Variants in SSH2 observed in about 807,000 individuals in gnomAD.
SSH2 encodes the protein slingshot protein phosphatase 2.
SSH2 carries 37 observed loss-of-function variants against 135.2 expected under a neutral mutation model. That is an observed-to-expected ratio of 0.27 (90% CI 0.21 to 0.36). The LOEUF is 0.36. Among genes scored for constraint, SSH2 ranks in the 10% least tolerant of loss-of-function variants. SSH2 has a pLI of 1.00. For synonymous variants in SSH2, 628 were observed against 646.2 expected (o/e 0.97, Z 0.43); for missense variants, 1,408 against 1,765.3 (o/e 0.80, Z 3.63).
chr17:29,734,396 G>A (rs972254717), intron 3 of SSH2, among the ~76,000 whole-genome samples: 6 of 152,110 alleles, frequency 3.9e-5, no homozygotes, highest in Admixed American at 1.3e-4. Context: ...ATAACTATGC[G>A]TGGTAGGCTG....
At chr17:29,863,993 AT>A (rs1246873934) in intron 1 of SSH2, 11 of 152,128 alleles carry the variant, frequency 7.2e-5, no homozygotes, top group African/African-American at 2.7e-4. Context: ...TAGGTAAAGC[AT>A]TTCAGATTTC....
intron 11 of SSH2, among the ~76,000 whole-genome samples, chr17:29,657,450 G>A (rs1404340953): frequency 6.8e-6 from 1 of 147,768 alleles, no homozygotes; most frequent in East Asian, 2.0e-4. Flanking sequence ...TTTGTATTTA[G>A]TAAAGACGAG....
At chr17:29,661,061 CAAAAAAAAAAA>C (rs374216221) in intron 11 of SSH2, among the ~76,000 whole-genome samples, 12 of 48,332 alleles carry the variant, frequency 2.5e-4, no homozygotes, top group Non-Finnish European at 5.4e-4. Context: ...AATTCCATCT[CAAAAAAAAAAA>C]AAAAAAAAAA....
chr17:29,733,724 C>G (rs2040274847), intron 3 of SSH2, among the ~76,000 whole-genome samples: 1 of 152,062 alleles, frequency 6.6e-6, no homozygotes, highest in Non-Finnish European at 1.5e-5. Context: ...TAGTTCATAG[C>G]TCAATACTTT....
chr17:29,898,986 A>T (rs2066496090), intron 1 of SSH2, among the ~76,000 whole-genome samples: 1 of 152,358 alleles, frequency 6.6e-6, no homozygotes, highest in South Asian at 2.1e-4. Flanking sequence ...TACGCAAATC[A>T]ATAAACATAA....
intron 1 of SSH2, among the ~76,000 whole-genome samples, chr17:29,910,073 G>A (rs1299765051): frequency 6.6e-6 from 1 of 152,164 alleles, no homozygotes; most frequent in African/African-American, 2.4e-5. Flanking sequence ...AGCCTCCCAA[G>A]TAGCTGGGAC....
intron 1 of SSH2, among the ~76,000 whole-genome samples, chr17:29,925,814 C>T (rs1409459419): frequency 6.6e-6 from 1 of 152,018 alleles, no homozygotes; most frequent in Admixed American, 6.6e-5. Flanking sequence ...ATTAGCCTGA[C>T]TTAATTATTC....
At chr17:29,642,565 A>AC (rs1174551599) in intron 14 of SSH2, among the ~76,000 whole-genome samples, 1 of 151,032 alleles carries the variant, frequency 6.6e-6, no homozygotes, top group East Asian at 1.9e-4. Flanking sequence ...ACACACAGAC[A>AC]CCACCCCCCC....
chr17:29,641,254 G>A (rs1201332715), intron 14 of SSH2, among the ~76,000 whole-genome samples: 1 of 152,178 alleles, frequency 6.6e-6, no homozygotes, highest in Non-Finnish European at 1.5e-5. Context: ...TTTTTCCAAT[G>A]AAGCTTTGTC....
intron 1 of SSH2, among the ~76,000 whole-genome samples, chr17:29,902,198 G>A (rs2066570588): frequency 6.6e-6 from 1 of 152,136 alleles, no homozygotes; most frequent in East Asian, 1.9e-4. Flanking sequence ...TTAAAAATTA[G>A]TTTCCAAAAT....
At chr17:29,644,616 G>C (rs922591866) in intron 14 of SSH2, among the ~76,000 whole-genome samples, 3 of 152,174 alleles carry the variant, frequency 2.0e-5, no homozygotes, top group Non-Finnish European at 4.4e-5. Flanking sequence ...AGACCATCCT[G>C]GCCAACATGG....
chr17:29,734,167 C>G (rs1299479105), intron 3 of SSH2, among the ~76,000 whole-genome samples: 1 of 152,074 alleles, frequency 6.6e-6, no homozygotes, highest in Admixed American at 6.6e-5. Flanking sequence ...GTGATTCACC[C>G]ACCTCGGCCT....
chr17:29,723,919 T>C (rs2039902381), intron 3 of SSH2, among the ~76,000 whole-genome samples: 1 of 152,218 alleles, frequency 6.6e-6, no homozygotes. Context: ...GGGTGTATTG[T>C]ATGGGATACT....
chr17:29,925,437 C>A, intron 1 of SSH2: 1 of 398,208 alleles, frequency 2.5e-6, no homozygotes, highest in South Asian at 1.3e-4. Context: ...AAATTGTAGC[C>A]GGTCACAGTG....
chr17:29,660,958 G>A (rs191278873), intron 11 of SSH2, among the ~76,000 whole-genome samples: 5 of 151,362 alleles, frequency 3.3e-5, no homozygotes, highest in Non-Finnish European at 7.4e-5. Flanking sequence ...CTACTTGGGC[G>A]GCTGAGGTAT....
chr17:29,906,617 G>A (rs1167902965), intron 1 of SSH2, among the ~76,000 whole-genome samples: 1 of 152,088 alleles, frequency 6.6e-6, no homozygotes, highest in East Asian at 1.9e-4. Context: ...CTATCCATCT[G>A]ATAAAGGTTA....
At chr17:29,827,348 A>G (rs181717075) in intron 2 of SSH2, among the ~76,000 whole-genome samples, 1 of 152,340 alleles carries the variant, frequency 6.6e-6, no homozygotes, top group East Asian at 1.9e-4. Context: ...AGTCACAGAC[A>G]GCATATAGTA....
intron 8 of SSH2, chr17:29,676,536 A>G (rs1346873451): frequency 6.1e-6 from 2 of 326,590 alleles, no homozygotes; most frequent in Admixed American, 4.7e-5. Context: ...TATGTCCCTA[A>G]TAAAACTCGG....
chr17:29,807,226 A>G (rs890077350), intron 2 of SSH2, among the ~76,000 whole-genome samples: 4 of 152,258 alleles, frequency 2.6e-5, no homozygotes, highest in Non-Finnish European at 4.4e-5. Flanking sequence ...ATCACTTTCA[A>G]ACTACAAAGT....
Sources: allele counts gnomAD v4.1 joint callset (sites outside exome capture counted in the v4.1 genomes callset), GRCh38; gene constraint gnomAD v4.1.1; transcripts MANE v1.5; gene names NCBI Gene and HGNC (gene_info 2026-07-23, HGNC 2026-07-21).